ASXL2: variants seen among roughly 807,000 people sequenced by gnomAD.
The protein encoded by ASXL2 is putative Polycomb group protein ASXL2.
ASXL2 carries 23 observed loss-of-function variants against 122.0 expected under a neutral mutation model. The observed-to-expected ratio is 0.19, with a 90% CI of 0.14 to 0.27. The LOEUF (loss-of-function observed/expected upper bound fraction) is 0.27. Ranked by LOEUF, ASXL2 falls within the 10% of genes least tolerant of loss-of-function variation. The pLI, the probability that ASXL2 is intolerant of heterozygous loss-of-function variation, is 1.00. For missense variants in ASXL2, 1,518 were observed against 1,713.8 expected (o/e 0.89, Z 2.02); for synonymous variants, 650 against 637.0 (o/e 1.02, Z -0.31).
At chr2:25,798,009 T>C (rs935098697) in intron 5 of ASXL2, among the ~76,000 whole-genome samples, 1 of 152,200 alleles carries the variant, frequency 6.6e-6, no homozygotes, top group African/African-American at 2.4e-5. Context: ...GGTGAATGTA[T>C]AAACAAACTG....
intron 3 of ASXL2, among the ~76,000 whole-genome samples, chr2:25,835,098 AC>A (rs36073668): frequency 0.32 from 48,376 of 151,966 alleles, 8,202 homozygotes; most frequent in African/African-American, 0.4. Flanking sequence ...TGCTGGGATT[AC>A]CAGGTGTGAG....
chr2:25,793,883 G>T (rs1475262284), intron 5 of ASXL2, among the ~76,000 whole-genome samples: 2 of 152,184 alleles, frequency 1.3e-5, no homozygotes, highest in Non-Finnish European at 2.9e-5. Context: ...CTTCTGGGTA[G>T]TCTAACTATC....
In ASXL2 at chr2:25,750,041, A is replaced by G; in HGVS notation, c.1515T>C (p.His505=). 1 of 1,613,970 alleles carries G rather than the reference A, an allele frequency of 6.2e-7. No homozygotes were observed. The highest frequency in any genetic ancestry group is 1.1e-5 in the South Asian group (1 of 91,080). ...TSAEQESEKN[H]LTTASNYNKS... is the part of the protein sequence containing the mutation. ...TGTTATAATTAGAAGCTGTGGTGAGATGGTTCTTCTCAGATTCCTGTTCAG... is the reference window on the plus strand; with the variant it reads ...TGTTATAATTAGAAGCTGTGGTGAGGTGGTTCTTCTCAGATTCCTGTTCAG... The change falls in exon 12 of 13, where the codon CAT becomes CAC. Residue 505 remains histidine, a synonymous_variant. Coordinates refer to ENST00000435504, the MANE Select transcript of ASXL2 (RefSeq NM_018263.6).
At chr2:25,807,774 A>T (rs1245907532) in intron 3 of ASXL2, among the ~76,000 whole-genome samples, 3 of 152,164 alleles carry the variant, frequency 2.0e-5, no homozygotes, top group Non-Finnish European at 4.4e-5. Flanking sequence ...ATAATTTAAA[A>T]GGTATCATTT....
At chr2:25,872,199 T>C (rs555505241) in intron 1 of ASXL2, among the ~76,000 whole-genome samples, 1 of 152,246 alleles carries the variant, frequency 6.6e-6, no homozygotes, top group South Asian at 2.1e-4. Flanking sequence ...CTGGGCAGCA[T>C]GGCAAAACCC....
At chr2:25,750,469 C>G in intron 11 of ASXL2, 56 bp from the exon 12 acceptor site, 1 of 1,444,694 alleles carries the variant, frequency 6.9e-7, no homozygotes, top group East Asian at 2.3e-5. Flanking sequence ...GTTGCGAAAG[C>G]ATTCATTAAT....
intron 2 of ASXL2, among the ~76,000 whole-genome samples, chr2:25,841,405 GTT>G (rs1276712521): frequency 6.6e-6 from 1 of 152,136 alleles, no homozygotes; most frequent in Non-Finnish European, 1.5e-5. Flanking sequence ...TAACAAGTAG[GTT>G]TTAAATACTT....
At chr2:25,755,411 A>G (rs527979961) in intron 10 of ASXL2, among the ~76,000 whole-genome samples, 1 of 152,342 alleles carries the variant, frequency 6.6e-6, no homozygotes, top group African/African-American at 2.4e-5. Context: ...AGTCACTAGA[A>G]GCATGGCACA....
intron 2 of ASXL2, among the ~76,000 whole-genome samples, chr2:25,836,206 A>G (rs1012624021): frequency 2.0e-5 from 3 of 152,228 alleles, no homozygotes; most frequent in African/African-American, 7.2e-5. Context: ...GTGAGACCTC[A>G]TCTCTACAAA....
chr2:25,869,290 A>G (rs2089940474), intron 1 of ASXL2, among the ~76,000 whole-genome samples: 1 of 152,088 alleles, frequency 6.6e-6, no homozygotes, highest in Admixed American at 6.6e-5. Context: ...GAGATCCACC[A>G]CTGTACTCCA....
intron 1 of ASXL2, among the ~76,000 whole-genome samples, chr2:25,870,088 TAGA>T (rs2089951647): frequency 6.6e-6 from 1 of 152,060 alleles, no homozygotes; most frequent in Admixed American, 6.6e-5. Context: ...CGTTAACTTA[TAGA>T]AGGTCTTTAT....
rs533078180 is a variant in ASXL2, at chr2:25,816,865, C to T, written c.144-10528G>A. Among the ~76,000 whole-genome samples the T allele has an allele frequency of 3.5e-4, 54 of 152,330 alleles. No homozygotes were observed. In the South Asian group the frequency reaches 5.8e-3, roughly 16 times the overall value. On this transcript the variant is annotated intron_variant, in intron 3 of 12. Coordinates refer to ENST00000435504, the MANE Select transcript of ASXL2 (RefSeq NM_018263.6). ...CTTGGCTTGGTGTGGTGGCTCACGC[C>T]TGTAATCCCAACACTTTGGGAGGCC... is the stretch of plus-strand genomic sequence containing the variant.
At chr2:25,774,700 G>A (rs13382805) in intron 5 of ASXL2, among the ~76,000 whole-genome samples, 49,081 of 152,068 alleles carry the variant, frequency 0.32, 8,483 homozygotes, top group African/African-American at 0.42. Flanking sequence ...AACACATAAA[G>A]ATTTGGGGGT....
chr2:25,768,717 T>C (rs1012857681), intron 7 of ASXL2, 25 bp downstream of exon 7: 2 of 1,599,718 alleles, frequency 1.3e-6, no homozygotes, highest in Admixed American at 3.5e-5. Flanking sequence ...GAAACTTCCA[T>C]TGAAAAACTG....
chr2:25,782,688 A>G (rs913870389), intron 5 of ASXL2, among the ~76,000 whole-genome samples: 1 of 152,242 alleles, frequency 6.6e-6, no homozygotes, highest in Non-Finnish European at 1.5e-5. Context: ...CAACTCAGTT[A>G]TAACGTTAAA....
chr2:25,827,646 T>C (rs899936395), intron 3 of ASXL2, among the ~76,000 whole-genome samples: 1 of 152,240 alleles, frequency 6.6e-6, no homozygotes, highest in African/African-American at 2.4e-5. Context: ...TCAATCAATT[T>C]GTTTCTTCAT....
intron 3 of ASXL2, chr2:25,810,537 G>T: frequency 1.4e-6 from 1 of 730,120 alleles, no homozygotes; most frequent in Non-Finnish European, 2.5e-6. Flanking sequence ...GTTCCCAGGC[G>T]CGCCTTTCTC....
intron 3 of ASXL2, among the ~76,000 whole-genome samples, chr2:25,834,054 TAAAG>T (rs1173849460): frequency 6.6e-6 from 1 of 152,102 alleles, no homozygotes; most frequent in East Asian, 1.9e-4. Context: ...CATTTGCACT[TAAAG>T]AACCCAATCA....
Position 25,738,386 on chromosome 2 carries a change from C to T in ASXL2, c.*3643G>A, listed in dbSNP as rs933036760. On this transcript the variant is annotated 3_prime_UTR_variant, in exon 13 of 13. Coordinates refer to ENST00000435504, the MANE Select transcript of ASXL2 (RefSeq NM_018263.6). ...TGGTAGGAAAGGCCCCTGCCTATCA[C>T]CATGTTTCTCAAAGTCTCTTTGGAC... 2 of 152,132 alleles carry T rather than the reference C, an allele frequency of 1.3e-5. No individual in the cohort carries two copies. Among genetic ancestry groups the T allele is most frequent in the African/African-American group, 4.8e-5 (2 of 41,424 alleles). The allele number at this position is 152,132 out of a possible 1,614,324, so 9.4% of individuals were successfully genotyped here.
Sources: allele counts gnomAD v4.1 joint callset (sites outside exome capture counted in the v4.1 genomes callset), GRCh38; gene constraint gnomAD v4.1.1; transcripts MANE v1.5; gene names NCBI Gene and HGNC (gene_info 2026-07-23, HGNC 2026-07-21).